CACNB2: variants seen among roughly 807,000 people sequenced by gnomAD.
CACNB2 encodes calcium voltage-gated channel auxiliary subunit beta 2.
CACNB2 carries 42 observed loss-of-function variants against 73.3 expected under a neutral mutation model. The observed-to-expected ratio is 0.57, with a 90% CI of 0.45 to 0.74. The LOEUF (loss-of-function observed/expected upper bound fraction) is 0.74, where lower values mean the gene tolerates loss of function less well. Among genes scored for constraint, CACNB2 ranks in the 30% least tolerant of loss-of-function variants. The probability of loss-of-function intolerance (pLI) is 0.00; values close to 1 mark genes in which losing one functional copy is unlikely to be tolerated. For missense variants in CACNB2, 940 were observed against 853.0 expected (o/e 1.10, Z -1.27); for synonymous variants, 348 against 310.3 (o/e 1.12, Z -1.28).
At chr10:18,350,194 G>A (rs1195175971) in intron 2 of CACNB2, among the ~76,000 whole-genome samples, 2 of 152,146 alleles carry the variant, frequency 1.3e-5, no homozygotes, top group Admixed American at 6.5e-5. Context: ...GCAGTGAGCC[G>A]AGATTGTGCC....
chr10:18,249,160 C>A (rs2036986780), intron 2 of CACNB2, among the ~76,000 whole-genome samples: 2 of 152,166 alleles, frequency 1.3e-5, no homozygotes, highest in Admixed American at 1.3e-4. Flanking sequence ...TCTAAAAAGA[C>A]CTTCCCACTA....
At position 18,340,598 on chromosome 10, in the gene CACNB2, C is replaced by G. The variant is rs1016729076; in HGVS notation, c.214-61326C>G. The G allele has an allele frequency of 9.2e-5, 91 of 989,660 alleles. No individual in the cohort carries two copies. In the African/African-American group the frequency reaches 1.4e-3, roughly 15 times the overall value. 61.3% of individuals were successfully genotyped at this position (989,660 alleles called of 1,614,324 possible). A position where few individuals can be genotyped will look rare whatever the true frequency, so the allele number is the denominator to read the frequency against. ...CTGATACTAATGAAGTGTTACTGTACTTTGACAAGTTTGCAGGCGTCTGTC... is the reference window on the plus strand; with the variant it reads ...CTGATACTAATGAAGTGTTACTGTAGTTTGACAAGTTTGCAGGCGTCTGTC... On this transcript the variant is annotated intron_variant, in intron 2 of 13. Coordinates refer to ENST00000324631, the MANE Select transcript of CACNB2 (RefSeq NM_201596.3).
intron 5 of CACNB2, 25 bp downstream of exon 5, chr10:18,500,973 G>T: frequency 6.2e-7 from 1 of 1,609,830 alleles, no homozygotes; most frequent in Non-Finnish European, 8.5e-7. Context: ...TCAAGTGTTT[G>T]CATAAAACTT....
Position 18,140,625 on chromosome 10 carries a change from C to A in CACNB2, c.-112C>A. On this transcript the variant is annotated 5_prime_UTR_variant, in exon 1 of 14. Coordinates refer to ENST00000324631, the MANE Select transcript of CACNB2 (RefSeq NM_201596.3). Reference sequence around the variant, plus strand: ...GGGCGCTGCGCCGAGAACGGCCGGGCCTGAGCCCTGGGCGGCCCCCAGAGC... The same window carrying A: ...GGGCGCTGCGCCGAGAACGGCCGGGACTGAGCCCTGGGCGGCCCCCAGAGC... The A allele has an allele frequency of 2.2e-6, 2 of 903,620 alleles. No individual in the cohort carries two copies. Among genetic ancestry groups the A allele is most frequent in the Non-Finnish European group, 3.4e-6 (2 of 593,906 alleles). The allele number at this position is 903,620 out of a possible 1,614,324, so 56.0% of individuals were successfully genotyped here. A position where few individuals can be genotyped will look rare whatever the true frequency, so the allele number is the denominator to read the frequency against.
Position 18,538,226 on chromosome 10 carries a change from G to A in CACNB2, c.1349G>A (p.Cys450Tyr). ...ILDENQLEDA[C>Y]EHLADYLEAY... The stretch of plus-strand genomic sequence containing the variant: ...GATGAGAACCAGCTTGAGGATGCCT[G>A]TGAGCACCTTGCCGACTATCTGGAG... The change falls in exon 13 of 14, where the codon TGT (cysteine) becomes TAT (tyrosine). Residue 450 changes from cysteine to tyrosine, a missense_variant. Physicochemically the swap from Cys to Tyr is radical, Grantham distance 194 (BLOSUM62 -2). Coordinates refer to ENST00000324631, the MANE Select transcript of CACNB2 (RefSeq NM_201596.3). The A allele has an allele frequency of 6.2e-7, 1 of 1,614,130 alleles. No individual in the cohort carries two copies. The highest frequency in any genetic ancestry group is 8.5e-7 in the Non-Finnish European group (1 of 1,180,000).
intron 3 of CACNB2, among the ~76,000 whole-genome samples, chr10:18,415,180 G>A (rs143928266): frequency 2.0e-5 from 3 of 152,266 alleles, no homozygotes; most frequent in Non-Finnish European, 4.4e-5. Context: ...TTAAAGCACT[G>A]TAGGCTTGGC....
At chr10:18,465,635 C>G (rs1032247973) in intron 3 of CACNB2, among the ~76,000 whole-genome samples, 2 of 151,810 alleles carry the variant, frequency 1.3e-5, no homozygotes, top group Non-Finnish European at 2.9e-5. Context: ...TCCACATTCC[C>G]TTTTAGTCTT....
intron 3 of CACNB2, among the ~76,000 whole-genome samples, chr10:18,416,631 T>C (rs1468619950): frequency 6.6e-6 from 1 of 152,172 alleles, no homozygotes; most frequent in African/African-American, 2.4e-5. Context: ...AGAGTGGTCT[T>C]GAACCCCTGA....
chr10:18,457,861 G>A (rs1458166197), intron 3 of CACNB2, among the ~76,000 whole-genome samples: 1 of 151,946 alleles, frequency 6.6e-6, no homozygotes, highest in Non-Finnish European at 1.5e-5. Flanking sequence ...TTGTACTCCA[G>A]CCTGGGTGAC....
chr10:18,486,808 G>C (rs2049083152), intron 3 of CACNB2, among the ~76,000 whole-genome samples: 1 of 152,130 alleles, frequency 6.6e-6, no homozygotes, highest in Non-Finnish European at 1.5e-5. Context: ...CATCCTTTTG[G>C]GTCTGTAGGC....
At chr10:18,320,144 C>T (rs947865666) in intron 2 of CACNB2, among the ~76,000 whole-genome samples, 8 of 152,118 alleles carry the variant, frequency 5.3e-5, no homozygotes, top group Non-Finnish European at 1.2e-4. Flanking sequence ...ACTGATATCT[C>T]ACCAGTTCGA....
At chr10:18,464,426 A>T (rs936147974) in intron 3 of CACNB2, among the ~76,000 whole-genome samples, 2 of 134,068 alleles carry the variant, frequency 1.5e-5, no homozygotes, top group African/African-American at 7.3e-5. Context: ...ATTAAAAAAA[A>T]AAAAAAAAAA....
At chr10:18,360,436 GC>G (rs1475536228) in intron 2 of CACNB2, among the ~76,000 whole-genome samples, 1 of 152,060 alleles carries the variant, frequency 6.6e-6, no homozygotes, top group Non-Finnish European at 1.5e-5. Context: ...TGTTGCCCGG[GC>G]TGATCTTAAA....
chr10:18,527,106 C>T (rs771861141), intron 9 of CACNB2, among the ~76,000 whole-genome samples: 15 of 151,760 alleles, frequency 9.9e-5, no homozygotes, highest in East Asian at 1.9e-4. Flanking sequence ...TAGGGCCGGG[C>T]GCGGTGGCTC....
intron 9 of CACNB2, among the ~76,000 whole-genome samples, chr10:18,523,828 TAA>T (rs1462233126): frequency 5.3e-5 from 8 of 152,236 alleles, no homozygotes; most frequent in Non-Finnish European, 7.3e-5. Flanking sequence ...TTAAATAAGC[TAA>T]GTTTATTTTT....
intron 2 of CACNB2, among the ~76,000 whole-genome samples, chr10:18,198,605 T>G (rs1353270022): frequency 6.6e-6 from 1 of 152,214 alleles, no homozygotes; most frequent in African/African-American, 2.4e-5. Context: ...CATTCAGACC[T>G]CTGTTCAAGC....
chr10:18,481,192 CTATATATA>C lies in CACNB2; in HGVS notation c.334-17131_334-17124del, dbSNP rs145814788. Among the ~76,000 whole-genome samples the C allele has an allele frequency of 6.8e-3, 250 of 36,682 alleles. 1 individual carries two copies. Among genetic ancestry groups the C allele is most frequent in the South Asian group, 0.027 (13 of 486 alleles). 24.1% of individuals were successfully genotyped at this position (36,682 alleles called of 152,430 possible). On this transcript the variant is annotated intron_variant, in intron 3 of 13. Coordinates refer to ENST00000324631, the MANE Select transcript of CACNB2 (RefSeq NM_201596.3). ...CAAAACTGATAATATTACATCTTCG[CTATATATA>C]TATATATATATATATATATATATAT...
At chr10:18,357,702 C>CATGA (rs2041978997) in intron 2 of CACNB2, among the ~76,000 whole-genome samples, 1 of 152,190 alleles carries the variant, frequency 6.6e-6, no homozygotes, top group African/African-American at 2.4e-5. Context: ...TTTTCGCCCA[C>CATGA]ATGAATTCCA....
chr10:18,286,375 A>G (rs1375772790), intron 2 of CACNB2, among the ~76,000 whole-genome samples: 4 of 151,926 alleles, frequency 2.6e-5, no homozygotes, highest in Admixed American at 1.3e-4. Flanking sequence ...AAAATTAGCC[A>G]GGCGCGGTGG....
Sources: allele counts gnomAD v4.1 joint callset (sites outside exome capture counted in the v4.1 genomes callset), GRCh38; gene constraint gnomAD v4.1.1; transcripts MANE v1.5; gene names NCBI Gene and HGNC (gene_info 2026-07-23, HGNC 2026-07-21).